Variants in FAT3 observed in about 807,000 individuals in gnomAD.
FAT3 encodes the protein protocadherin Fat 3.
In FAT3, 95 loss-of-function variants were observed where a neutral mutation model predicts 310.2. That is an observed-to-expected ratio of 0.31 (90% CI 0.26 to 0.36). The LOEUF is 0.36. Ranked by LOEUF, FAT3 falls within the 10% of genes least tolerant of loss-of-function variation. The probability of loss-of-function intolerance (pLI) is 1.00; values close to 1 mark genes in which losing one functional copy is unlikely to be tolerated. For synonymous variants in FAT3, 2,314 were observed against 2,192.9 expected (o/e 1.06, Z -1.54); for missense variants, 5,408 against 5,715.6 (o/e 0.95, Z 1.74).
intron 3 of FAT3, among the ~76,000 whole-genome samples, chr11:92,599,695 A>G (rs1183531107): frequency 6.6e-6 from 1 of 152,196 alleles, no homozygotes. Flanking sequence ...TTCCTAAGAA[A>G]ATAGTTTCAT....
chr11:92,403,731 G>A (rs1053563439), intron 2 of FAT3, among the ~76,000 whole-genome samples: 1 of 152,088 alleles, frequency 6.6e-6, no homozygotes, highest in African/African-American at 2.4e-5. Flanking sequence ...TTTATATTAT[G>A]GAGTGTTACA....
rs188511655 is a variant in FAT3 at position 92,790,267 on chromosome 11, A to G, written c.4611+49A>G. The G allele has an allele frequency of 5.2e-3, 8,345 of 1,590,430 alleles. 36 individuals carry two copies. The highest frequency in any genetic ancestry group is 0.015 in the Middle Eastern group (90 of 5,926). On this transcript the variant is annotated intron_variant, in intron 8 of 27. Coordinates refer to ENST00000525166, the MANE Select transcript of FAT3 (RefSeq NM_001367949.2). ...ACTCCTACAGAACCACTGACTGTTC[A>G]GGCCACACACATTAGCCTTCAGAAG...
At chr11:92,877,267 T>G (rs897496386) in intron 22 of FAT3, among the ~76,000 whole-genome samples, 4 of 152,110 alleles carry the variant, frequency 2.6e-5, no homozygotes, top group African/African-American at 9.7e-5. Context: ...CACCAGTCAC[T>G]TCTGAAGGGG....
intron 1 of FAT3, among the ~76,000 whole-genome samples, chr11:92,300,023 G>C (rs1565210636): frequency 6.6e-6 from 1 of 152,202 alleles, no homozygotes; most frequent in East Asian, 1.9e-4. Flanking sequence ...CTCTGTGCCA[G>C]GTATTGATGC....
chr11:92,457,367 G>T lies in FAT3; in HGVS notation c.3293-67267G>T, dbSNP rs903036981. Among the ~76,000 whole-genome samples the T allele has an allele frequency of 3.9e-5, 6 of 152,098 alleles. No homozygotes were observed. The South Asian group carries it at 1.2e-3, about 32-fold the overall frequency. On this transcript the variant is annotated intron_variant, in intron 2 of 27. Coordinates refer to ENST00000525166, the MANE Select transcript of FAT3 (RefSeq NM_001367949.2). ...AGAATTGCAGGTCTAGTGTGGTGTGGCTTGGAACCTGTGAGTTCTGAGAAG... is the reference window on the plus strand; with the variant it reads ...AGAATTGCAGGTCTAGTGTGGTGTGTCTTGGAACCTGTGAGTTCTGAGAAG...
In FAT3 at chr11:92,374,854, T is replaced by A. The variant is rs532729963; in HGVS notation, c.3292+19450T>A. On this transcript the variant is annotated intron_variant, in intron 2 of 27. Transcript: ENST00000525166. The stretch of plus-strand genomic sequence containing the variant: ...ACTGTCTTACAGCAGTTTTTTTTTT[T>A]AATTGTACAATGTAACATCCTTAAA... Among the ~76,000 whole-genome samples, 218 of 87,956 alleles carry A rather than the reference T, an allele frequency of 2.5e-3. 2 individuals are homozygous for A. The highest frequency in any genetic ancestry group is 6.3e-3 in the African/African-American group (121 of 19,260). The allele number at this position is 87,956 out of a possible 152,430, so 57.7% of individuals were successfully genotyped here.
At chr11:92,793,791 A>C (rs1226394383) in intron 9 of FAT3, among the ~76,000 whole-genome samples, 1 of 152,212 alleles carries the variant, frequency 6.6e-6, no homozygotes, top group African/African-American at 2.4e-5. Context: ...TGCCAAATGC[A>C]ATATCCTTTC....
chr11:92,806,409 C>T lies in FAT3; in HGVS notation c.9141C>T (p.Ile3047=). 2 of 1,596,490 alleles carry T rather than the reference C, an allele frequency of 1.3e-6. No individual in the cohort carries two copies. The highest frequency in any genetic ancestry group is 1.7e-6 in the Non-Finnish European group (2 of 1,170,478). Residue 3047 remains isoleucine, a synonymous_variant, in exon 12 of 28, where the codon ATC becomes ATT. Transcript: ENST00000525166. The part of the protein sequence containing the change: ...LLPEDIPSNK[I]ILKVSAKDAD... ...CTGAAGACATTCCATCAAATAAAATCATCCTGAAAGTCAGTGCAAAGGATG... is the reference window on the plus strand; with the variant it reads ...CTGAAGACATTCCATCAAATAAAATTATCCTGAAAGTCAGTGCAAAGGATG...
At chr11:92,385,609 C>A (rs913564741) in intron 2 of FAT3, among the ~76,000 whole-genome samples, 12 of 151,950 alleles carry the variant, frequency 7.9e-5, no homozygotes, top group African/African-American at 2.4e-4. Flanking sequence ...CTGAGGTGAT[C>A]CACCTGCCTC....
Position 92,432,452 on chromosome 11 carries a change from T to A in FAT3, c.3292+77048T>A, listed in dbSNP as rs143838554. 7.0e-3 allele frequency among the ~76,000 whole-genome samples: 1,072 copies of A among 152,226 alleles called. 24 individuals are homozygous for A. The highest frequency in any genetic ancestry group is 0.024 in the African/African-American group (993 of 41,536). On this transcript the variant is annotated intron_variant, in intron 2 of 27. Coordinates refer to ENST00000525166, the MANE Select transcript of FAT3 (RefSeq NM_001367949.2). ...GTCATCAGATGGGGTTTTTGAGTGG[T>A]CCTCCTTTTTGTTGATGTTCATGCT...
chr11:92,376,669 G>A (rs1249020542), intron 2 of FAT3, among the ~76,000 whole-genome samples: 1 of 152,166 alleles, frequency 6.6e-6, no homozygotes, highest in East Asian at 1.9e-4. Context: ...AGGTCAGAAG[G>A]GTTACTGCCC....
intron 3 of FAT3, among the ~76,000 whole-genome samples, chr11:92,558,572 G>A (rs1955103215): frequency 1.3e-5 from 2 of 152,242 alleles, no homozygotes; most frequent in Admixed American, 1.3e-4. Context: ...TAGCTCATCT[G>A]GTGCTGTCTC....
chr11:92,764,792 C>A, intron 5 of FAT3, 87 bp from the exon 6 acceptor site: 1 of 1,275,156 alleles, frequency 7.8e-7, no homozygotes, highest in Non-Finnish European at 1.1e-6. Context: ...AAGATGGACT[C>A]TTGGCCCAGC....
rs1254250089 is a variant in FAT3, at chr11:92,798,846, A to C, written c.5833A>C (p.Asn1945His). The C allele has an allele frequency of 5.6e-6, 9 of 1,613,924 alleles. 1 individual carries two copies. Among genetic ancestry groups the C allele is most frequent in the Middle Eastern group, 1.7e-4 (1 of 6,060 alleles). Residue 1945 changes from asparagine (N) to histidine (H), a missense_variant, in exon 10 of 28, where the codon AAC becomes CAC. Coordinates refer to ENST00000525166, the MANE Select transcript of FAT3 (RefSeq NM_001367949.2). ...TGGAGTACTTACCATAAAAAACAAC[A>C]ACCTCTCCAAGGATCACTACATGCT... ...NSGVLTIKNN[N>H]LSKDHYMLIV...
At chr11:92,232,387 T>A (rs1392369258) in intron 1 of FAT3, among the ~76,000 whole-genome samples, 2 of 152,210 alleles carry the variant, frequency 1.3e-5, no homozygotes, top group African/African-American at 2.4e-5. Context: ...TTTCAGAATG[T>A]CAATTAAATG....
At chr11:92,320,603 C>T (rs2134491944) in intron 1 of FAT3, among the ~76,000 whole-genome samples, 1 of 152,242 alleles carries the variant, frequency 6.6e-6, no homozygotes, top group East Asian at 1.9e-4. Flanking sequence ...TGCAGTGGCT[C>T]ACGCCTGTAA....
chr11:92,367,059 G>T, intron 2 of FAT3: 1 of 491,170 alleles, frequency 2.0e-6, no homozygotes, highest in Non-Finnish European at 4.1e-6. Context: ...GGACGGTCCA[G>T]ATCACTCTCT....
At chr11:92,871,857 G>A (rs1949402310) in intron 22 of FAT3, among the ~76,000 whole-genome samples, 1 of 152,102 alleles carries the variant, frequency 6.6e-6, no homozygotes, top group East Asian at 1.9e-4. Flanking sequence ...CTGACATTTG[G>A]GAATCCTGAA....
intron 1 of FAT3, among the ~76,000 whole-genome samples, chr11:92,257,907 C>T (rs76952137): frequency 0.014 from 2,138 of 152,124 alleles, 59 homozygotes; most frequent in African/African-American, 0.049. Context: ...TGGTCAAAAG[C>T]GTGCATTATG....
Sources: allele counts gnomAD v4.1 joint callset (sites outside exome capture counted in the v4.1 genomes callset), GRCh38; gene constraint gnomAD v4.1.1; transcripts MANE v1.5; gene names NCBI Gene and HGNC (gene_info 2026-07-23, HGNC 2026-07-21).